DOCK9: variants seen among roughly 807,000 people sequenced by gnomAD.
The protein encoded by DOCK9 is dedicator of cytokinesis protein 9.
A neutral mutation model predicts 263.3 loss-of-function variants in DOCK9; 89 were observed. The observed-to-expected ratio is 0.34, with a 90% CI of 0.28 to 0.40. The LOEUF is 0.40. Ranked by LOEUF, DOCK9 falls within the 10% of genes least tolerant of loss-of-function variation. The pLI is 1.00. For missense variants in DOCK9, 2,140 were observed against 2,603.4 expected, an observed-to-expected ratio of 0.82 and a Z score of 3.87; for synonymous variants, 976 against 973.1, an observed-to-expected ratio of 1.00 and a Z score of -0.06.
Position 98,995,862 on chromosome 13 carries a change from T to C in DOCK9, c.130-40311A>G, listed in dbSNP as rs998921900. Among the ~76,000 whole-genome samples, 81 of 151,352 alleles carry C rather than the reference T, an allele frequency of 5.4e-4. 1 individual carries two copies. The highest frequency in any genetic ancestry group is 1.9e-3 in the African/African-American group (79 of 41,104). ...GGCTGAGTTAGTGCAAATTGAGGGG[T>C]GAGGAAATAGCATGTGCAAAGGCCC... is the stretch of plus-strand genomic sequence containing the variant. On this transcript the variant is annotated intron_variant, in intron 1 of 32. Coordinates refer to the DOCK9 transcript ENST00000427887.
intron 1 of DOCK9, among the ~76,000 whole-genome samples, chr13:99,075,424 C>T (rs1456923770): frequency 6.8e-6 from 1 of 146,230 alleles, no homozygotes; most frequent in African/African-American, 2.5e-5. Context: ...TCAATCAGAG[C>T]TCACTGCAGC....
At chr13:98,845,837 T>A in intron 38 of DOCK9, 87 bp downstream of exon 38, 1 of 1,517,364 alleles carries the variant, frequency 6.6e-7, no homozygotes. Flanking sequence ...ATTGAGTTGG[T>A]GATGTGGTAG....
At chr13:98,897,180 T>C (rs2047567914) in intron 15 of DOCK9, among the ~76,000 whole-genome samples, 1 of 152,222 alleles carries the variant, frequency 6.6e-6, no homozygotes, top group Non-Finnish European at 1.5e-5. Flanking sequence ...TTGCAGTGGC[T>C]TTGCTGAGTC....
chr13:98,932,008 T>C (rs2140315220), intron 2 of DOCK9, among the ~76,000 whole-genome samples: 1 of 152,184 alleles, frequency 6.6e-6, no homozygotes, highest in East Asian at 1.9e-4. Context: ...ATTACAGGCG[T>C]GAGCCACCAT....
chr13:99,086,407 G>C (rs1168209217), exon 1 of DOCK9: 4 of 1,002,188 alleles, frequency 4.0e-6, no homozygotes, highest in African/African-American at 3.6e-5. Flanking sequence ...GCCCGGCCGC[G>C]CGGCCGCCAG....
At chr13:99,070,453 G>GA (rs539239192) in intron 1 of DOCK9, among the ~76,000 whole-genome samples, 52 of 151,820 alleles carry the variant, frequency 3.4e-4, no homozygotes, top group African/African-American at 1.1e-3. Context: ...TGCTTACTGC[G>GA]TTTTTTTTGC....
chr13:98,919,807 G>A (rs1177326465), intron 7 of DOCK9, among the ~76,000 whole-genome samples: 1 of 152,192 alleles, frequency 6.6e-6, no homozygotes, highest in African/African-American at 2.4e-5. Context: ...AGAAAGCATA[G>A]AGCCCAGGTG....
chr13:99,067,717 C>T (rs1458501582), intron 1 of DOCK9, among the ~76,000 whole-genome samples: 1 of 152,168 alleles, frequency 6.6e-6, no homozygotes, highest in African/African-American at 2.4e-5. Context: ...GGGTAAAATA[C>T]CATTTTCCTG....
At chr13:98,879,798 G>C in intron 27 of DOCK9, 100 bp downstream of exon 27, 1 of 978,864 alleles carries the variant, frequency 1.0e-6, no homozygotes, top group Non-Finnish European at 1.5e-6. Flanking sequence ...GAACAGTCCT[G>C]TAACTGGCAC....
chr13:98,945,338 A>G (rs2056560526), intron 2 of DOCK9, among the ~76,000 whole-genome samples: 1 of 152,212 alleles, frequency 6.6e-6, no homozygotes. Flanking sequence ...CTCACCCAAG[A>G]GCCGTCTAAA....
chr13:98,895,528 A>G (rs913702635), intron 15 of DOCK9, among the ~76,000 whole-genome samples: 60 of 151,412 alleles, frequency 4.0e-4, no homozygotes, highest in African/African-American at 1.5e-3. Flanking sequence ...AGCCAGGCGT[A>G]GTGGTGGGCG....
At chr13:98,868,123 C>T in intron 28 of DOCK9, 108 bp downstream of exon 28, 1 of 1,534,740 alleles carries the variant, frequency 6.5e-7, no homozygotes, top group Non-Finnish European at 8.9e-7. Flanking sequence ...AAAAACATGC[C>T]ATCAACATTG....
Position 98,840,745 on chromosome 13 carries a change from G to A in DOCK9, c.4199-3136C>T, listed in dbSNP as rs554996129. 1.1e-3 allele frequency among the ~76,000 whole-genome samples: 166 copies of A among 152,264 alleles called. 2 individuals carry two copies. The highest frequency in any genetic ancestry group is 0.01 in the Middle Eastern group (3 of 294). On this transcript the variant is annotated intron_variant, in intron 38 of 52. Transcript: ENST00000682017. Reference sequence around the variant, plus strand: ...TGGGATAGAAGAGTAGGTCAGAGACGTATTCCTATAGGGGGCACTTCCATG... The same window carrying A: ...TGGGATAGAAGAGTAGGTCAGAGACATATTCCTATAGGGGGCACTTCCATG...
intron 7 of DOCK9, among the ~76,000 whole-genome samples, chr13:98,918,674 A>G (rs2051307965): frequency 6.6e-6 from 1 of 152,252 alleles, no homozygotes; most frequent in Non-Finnish European, 1.5e-5. Flanking sequence ...TAGCCAAACT[A>G]TGAGTCAAGC....
chr13:98,913,025 A>T (rs963463497), intron 9 of DOCK9, among the ~76,000 whole-genome samples: 1 of 152,236 alleles, frequency 6.6e-6, no homozygotes, highest in Non-Finnish European at 1.5e-5. Context: ...GAGGTGGTTT[A>T]CAATGGTGGC....
rs2142105446 is a variant in DOCK9, at chr13:99,038,075, A to G, written c.129+48148T>C. On this transcript the variant is annotated intron_variant, in intron 1 of 32. Transcript: ENST00000427887. ...ACTTATCAAATTGTGTATTTTAAAT[A>G]TGTGCAGTTTAATGTACATCAATTA... Among the ~76,000 whole-genome samples the G allele has an allele frequency of 1.3e-5, 2 of 152,256 alleles. 1 individual carries two copies. The highest frequency in any genetic ancestry group is 4.1e-4 in the South Asian group (2 of 4,824).
chr13:98,928,825 A>G (rs192411111), intron 3 of DOCK9, among the ~76,000 whole-genome samples: 142 of 152,312 alleles, frequency 9.3e-4, no homozygotes, highest in Middle Eastern at 3.4e-3. Context: ...AAAGACATTT[A>G]TAACTACATT....
At position 98,954,863 on chromosome 13, in the gene DOCK9, TACACACAC is replaced by T. The variant is rs71719426; in HGVS notation, c.243+564_243+571del. The stretch of plus-strand genomic sequence containing the variant: ...CAGAGTATAGCACTTTTATTCAAGA[TACACACAC>T]ACACACACACACACACACACACACA... On this transcript the variant is annotated intron_variant, in intron 2 of 52. Transcript: ENST00000682017. Among the ~76,000 whole-genome samples the T allele has an allele frequency of 6.8e-5, 10 of 146,586 alleles. No homozygotes were observed. In the South Asian group the frequency reaches 1.1e-3, roughly 16 times the overall value.
intron 27 of DOCK9, among the ~76,000 whole-genome samples, chr13:98,877,165 C>T (rs895796039): frequency 2.0e-5 from 3 of 152,160 alleles, no homozygotes; most frequent in Non-Finnish European, 4.4e-5. Context: ...GACTCTGCCA[C>T]AAGTTCTTGG....
Sources: allele counts gnomAD v4.1 joint callset (sites outside exome capture counted in the v4.1 genomes callset), GRCh38; gene constraint gnomAD v4.1.1; transcripts MANE v1.5; gene names NCBI Gene and HGNC (gene_info 2026-07-23, HGNC 2026-07-21).